Variants in NRXN1 observed in about 807,000 individuals in gnomAD.
NRXN1 encodes neurexin-1.
A neutral mutation model predicts 150.9 loss-of-function variants in NRXN1; 39 were observed. The observed-to-expected ratio is 0.26, with a 90% CI of 0.20 to 0.34. NRXN1 has a LOEUF of 0.34. Ranked by LOEUF, NRXN1 falls within the 10% of genes least tolerant of loss-of-function variation. The pLI is 1.00. For missense variants in NRXN1, 1,815 were observed against 1,949.9 expected, an observed-to-expected ratio of 0.93 and a Z score of 1.30; for synonymous variants, 924 against 757.0, an observed-to-expected ratio of 1.22 and a Z score of -3.62.
intron 5 of NRXN1, among the ~76,000 whole-genome samples, chr2:50,716,299 G>T (rs1238053708): frequency 3.3e-5 from 5 of 152,072 alleles, no homozygotes; most frequent in Non-Finnish European, 5.9e-5. Context: ...GGCTACCACA[G>T]ATTAAAAACT....
At chr2:50,362,575 T>C (rs2079296285) in intron 17 of NRXN1, among the ~76,000 whole-genome samples, 1 of 152,052 alleles carries the variant, frequency 6.6e-6, no homozygotes, top group Non-Finnish European at 1.5e-5. Context: ...TACAAACCAA[T>C]GCTCAAGGAA....
At chr2:50,847,865 G>A (rs1367925147) in intron 5 of NRXN1, among the ~76,000 whole-genome samples, 1 of 152,064 alleles carries the variant, frequency 6.6e-6, no homozygotes, top group Non-Finnish European at 1.5e-5. Flanking sequence ...GCTGCAAAGC[G>A]GCCTGACTCC....
chr2:50,983,693 A>T (rs1697205345), intron 2 of NRXN1, among the ~76,000 whole-genome samples: 1 of 152,134 alleles, frequency 6.6e-6, no homozygotes, highest in Non-Finnish European at 1.5e-5. Context: ...GCAAACGTAA[A>T]AAAAGAAAAA....
intron 18 of NRXN1, among the ~76,000 whole-genome samples, chr2:50,140,313 G>C (rs1238872757): frequency 6.6e-6 from 1 of 152,042 alleles, no homozygotes; most frequent in East Asian, 1.9e-4. Flanking sequence ...TTAAACCTCA[G>C]CTTGTGACCA....
Position 50,683,646 on chromosome 2 carries a change from A to AAAAAAAAAAAATATATATAT in NRXN1, c.833-60032_833-60031insATATATATATTTTTTTTTTT. On this transcript the variant is annotated intron_variant, in intron 5 of 22. Coordinates refer to ENST00000401669, the MANE Select transcript of NRXN1 (RefSeq NM_001330078.2). ...GACTCCGTCTCAAAAAAAAAAAAAA[A>AAAAAAAAAAAATATATATAT]ATATATATATATATATATATGTTAT... 3.6e-3 allele frequency among the ~76,000 whole-genome samples: 54 copies of AAAAAAAAAAAATATATATAT among 14,872 alleles called. 4 individuals carry two copies. The highest frequency in any genetic ancestry group is 5.0e-3 in the African/African-American group (14 of 2,776). 9.8% of individuals were successfully genotyped at this position (14,872 alleles called of 152,430 possible).
At chr2:50,059,176 G>A (rs149860152) in intron 19 of NRXN1, among the ~76,000 whole-genome samples, 2,130 of 152,234 alleles carry the variant, frequency 0.014, 52 homozygotes, top group African/African-American at 0.048. Flanking sequence ...GGCTGAGGTG[G>A]TCTCAGATGG....
chr2:50,143,327 T>C (rs1314430284), intron 18 of NRXN1, among the ~76,000 whole-genome samples: 1 of 151,878 alleles, frequency 6.6e-6, no homozygotes, highest in Non-Finnish European at 1.5e-5. Flanking sequence ...AAAACTAATG[T>C]GCTTAAGTAC....
intron 5 of NRXN1, among the ~76,000 whole-genome samples, chr2:50,783,566 A>G (rs1704644110): frequency 6.6e-6 from 1 of 152,148 alleles, no homozygotes; most frequent in African/African-American, 2.4e-5. Flanking sequence ...ACAGTCATAA[A>G]TCTATGGAAA....
intron 18 of NRXN1, among the ~76,000 whole-genome samples, chr2:50,133,347 A>G (rs1035360843): frequency 1.4e-5 from 2 of 145,096 alleles, no homozygotes; most frequent in Non-Finnish European, 3.0e-5. Context: ...ATCTGGTTTC[A>G]GAGGAGGTCT....
rs144562634 is a variant in NRXN1, at chr2:50,147,515, A to G, written c.3547-56021T>C. ...GAGTTAAAGAGAGCTAGAAAGGACAAATGGACAACAGACAGCGTCTCTGCA... is the reference window on the plus strand; with the variant it reads ...GAGTTAAAGAGAGCTAGAAAGGACAGATGGACAACAGACAGCGTCTCTGCA... On this transcript the variant is annotated intron_variant, in intron 18 of 22. Transcript: ENST00000401669. Among the ~76,000 whole-genome samples the G allele has an allele frequency of 4.6e-3, 695 of 151,874 alleles. 3 individuals carry two copies. Among genetic ancestry groups the G allele is most frequent in the Middle Eastern group, 0.01 (3 of 294 alleles).
intron 18 of NRXN1, chr2:50,199,051 T>C (rs1239819270): frequency 7.9e-5 from 12 of 152,150 alleles, no homozygotes; most frequent in Non-Finnish European, 1.6e-4. Flanking sequence ...AGTGAAACAA[T>C]CAGTCCTCTC....
intron 5 of NRXN1, among the ~76,000 whole-genome samples, chr2:50,801,280 T>C (rs1046604305): frequency 2.0e-5 from 3 of 152,182 alleles, no homozygotes; most frequent in African/African-American, 4.8e-5. Context: ...ATTCTATTTT[T>C]TTGTTCAGGA....
intron 5 of NRXN1, among the ~76,000 whole-genome samples, chr2:50,675,482 T>G (rs530798062): frequency 9.9e-5 from 15 of 152,268 alleles, no homozygotes; most frequent in African/African-American, 3.6e-4. Context: ...TAGACTTGGC[T>G]TGCTGTATAA....
At chr2:50,996,227 C>G (rs745695186) in intron 2 of NRXN1, among the ~76,000 whole-genome samples, 1 of 152,026 alleles carries the variant, frequency 6.6e-6, no homozygotes, top group Non-Finnish European at 1.5e-5. Flanking sequence ...TTATTTTAAT[C>G]CGTATTTTTG....
At chr2:50,988,413 C>T (rs193109483) in intron 2 of NRXN1, among the ~76,000 whole-genome samples, 2 of 151,886 alleles carry the variant, frequency 1.3e-5, no homozygotes, top group Admixed American at 1.3e-4. Context: ...ACTACTATGA[C>T]AAACTAGACA....
chr2:50,333,943 C>A (rs983371671), intron 17 of NRXN1, among the ~76,000 whole-genome samples: 1 of 151,920 alleles, frequency 6.6e-6, no homozygotes, highest in Non-Finnish European at 1.5e-5. Flanking sequence ...GCAAGTCTTG[C>A]CTTCACCATT....
Position 50,026,859 on chromosome 2 carries a change from C to CTTTTTTTTT in NRXN1, c.4128+26403_4128+26411dup, listed in dbSNP as rs57580154. On this transcript the variant is annotated intron_variant, in intron 21 of 22. Coordinates refer to ENST00000401669, the MANE Select transcript of NRXN1 (RefSeq NM_001330078.2). ...TTGCATTGTTTAAGTCTTTTCTTTT[C>CTTTTTTTTT]TTTTTTTTTTTTTTTTTTTTTTTTT... is the stretch of plus-strand genomic sequence containing the variant. Among the ~76,000 whole-genome samples the CTTTTTTTTT allele has an allele frequency of 5.2e-3, 342 of 65,226 alleles. 83 individuals are homozygous for CTTTTTTTTT. Among genetic ancestry groups the CTTTTTTTTT allele is most frequent in the East Asian group, 0.012 (19 of 1,630 alleles). The allele number at this position is 65,226 out of a possible 152,430, so 42.8% of individuals were successfully genotyped here.
At chr2:50,279,655 G>A (rs944049357) in intron 17 of NRXN1, among the ~76,000 whole-genome samples, 4 of 152,186 alleles carry the variant, frequency 2.6e-5, no homozygotes, top group Admixed American at 1.3e-4. Context: ...TGTGCTCTGT[G>A]ATTTTACTAA....
chr2:50,977,144 A>G (rs148068711), intron 2 of NRXN1, among the ~76,000 whole-genome samples: 251 of 152,096 alleles, frequency 1.7e-3, no homozygotes, highest in Non-Finnish European at 3.2e-3. Context: ...TTATTATATG[A>G]TGCTTCATTA....
Sources: gnomAD v4.1 joint callset for allele counts (sites outside exome capture counted in the v4.1 genomes callset) on GRCh38, gnomAD v4.1.1 for gene constraint, MANE v1.5 for transcripts, NCBI Gene and HGNC (gene_info 2026-07-23, HGNC 2026-07-21) for gene names.